Variants in GALNT13 observed in about 807,000 individuals in gnomAD.
The protein encoded by GALNT13 is UDP-GalNAc:polypeptide N-acetylgalactosaminyltransferase 13.
In GALNT13, 28 loss-of-function variants were observed where a neutral mutation model predicts 64.2. The ratio of observed to expected loss-of-function variants is 0.44; its 90% CI spans 0.32 to 0.60. The LOEUF is 0.60. Ranked by LOEUF, GALNT13 falls within the 20% of genes least tolerant of loss-of-function variation. The pLI, the probability that GALNT13 is intolerant of heterozygous loss-of-function variation, is 0.05. For missense variants in GALNT13, 577 were observed against 669.8 expected (o/e 0.86, Z 1.53); for synonymous variants, 214 against 224.6 (o/e 0.95, Z 0.42).
At chr2:154,198,972 T>C (rs1687028691) in intron 4 of GALNT13, among the ~76,000 whole-genome samples, 1 of 151,964 alleles carries the variant, frequency 6.6e-6, no homozygotes, top group Admixed American at 6.6e-5. Context: ...ATTTCAGTGG[T>C]TAATGCTGAC....
chr2:153,934,389 G>A (rs945506794), intron 2 of GALNT13, among the ~76,000 whole-genome samples: 4 of 152,100 alleles, frequency 2.6e-5, no homozygotes, highest in Non-Finnish European at 5.9e-5. Flanking sequence ...TTTTGTGTGT[G>A]TGATGATCTC....
chr2:153,833,010 A>G, the GALNT13 span, among the ~76,000 whole-genome samples: 1 of 152,188 alleles, frequency 6.6e-6, no homozygotes, highest in South Asian at 2.1e-4. Flanking sequence ...AATTCCAGAA[A>G]TAAACAATTC....
At chr2:153,736,644 T>G in the GALNT13 span, among the ~76,000 whole-genome samples, 4 of 152,256 alleles carry the variant, frequency 2.6e-5, no homozygotes, top group East Asian at 5.8e-4. Context: ...TATCTATCAT[T>G]TATCCATCTA....
chr2:154,094,626 T>C (rs1451663433), intron 3 of GALNT13, among the ~76,000 whole-genome samples: 4 of 152,016 alleles, frequency 2.6e-5, no homozygotes, highest in African/African-American at 9.7e-5. Context: ...TCTATTTTTG[T>C]CTCCTTCCAA....
chr2:154,259,978 G>A (rs571298105), intron 8 of GALNT13, among the ~76,000 whole-genome samples: 1 of 152,086 alleles, frequency 6.6e-6, no homozygotes, highest in East Asian at 1.9e-4. Context: ...GACCTCCAGG[G>A]CTCGGGTGAT....
At chr2:153,223,842 T>C in the GALNT13 span, among the ~76,000 whole-genome samples, 1 of 152,078 alleles carries the variant, frequency 6.6e-6, no homozygotes, top group South Asian at 2.1e-4. Flanking sequence ...TGGTGGCACC[T>C]GCCTATAATC....
At chr2:153,648,400 G>A in the GALNT13 span, among the ~76,000 whole-genome samples, 1 of 152,132 alleles carries the variant, frequency 6.6e-6, no homozygotes, top group Non-Finnish European at 1.5e-5. Flanking sequence ...ATACAATCAT[G>A]TCATCTGCTA....
chr2:153,709,302 CAAAA>C, the GALNT13 span, among the ~76,000 whole-genome samples: 10 of 151,678 alleles, frequency 6.6e-5, no homozygotes, highest in South Asian at 4.2e-4. Context: ...ACAAAACAAA[CAAAA>C]AAACCCAACT....
At chr2:153,244,164 A>T in the GALNT13 span, among the ~76,000 whole-genome samples, 7 of 151,836 alleles carry the variant, frequency 4.6e-5, no homozygotes, top group Non-Finnish European at 1.0e-4. Flanking sequence ...TGCTATCTAC[A>T]TTGGGTCTTG....
the GALNT13 span, among the ~76,000 whole-genome samples, chr2:153,592,064 T>TTATA: frequency 1.7e-4 from 25 of 149,520 alleles, 1 homozygote; most frequent in South Asian, 3.2e-3. Flanking sequence ...GGTTAACAGA[T>TTATA]TATATATATA....
chr2:153,570,047 T>A, the GALNT13 span, among the ~76,000 whole-genome samples: 3 of 152,164 alleles, frequency 2.0e-5, no homozygotes, highest in Non-Finnish European at 2.9e-5. Flanking sequence ...TTCTTACAAA[T>A]TTACATTCTT....
chr2:154,178,676 C>G lies in GALNT13; in HGVS notation c.311+38171C>G, dbSNP rs1024370291. Among the ~76,000 whole-genome samples, 13 of 152,274 alleles carry G rather than the reference C, an allele frequency of 8.5e-5. No homozygotes were observed. In the East Asian group the frequency reaches 2.1e-3, roughly 25 times the overall value. Reference sequence around the variant, plus strand: ...ATTCTTCAAGTCTTCTCTCACTCTTCCAGTTCCATTGTCCTCATCATTTGC... The same window carrying G: ...ATTCTTCAAGTCTTCTCTCACTCTTGCAGTTCCATTGTCCTCATCATTTGC... On this transcript the variant is annotated intron_variant, in intron 4 of 12. Coordinates refer to ENST00000392825, the MANE Select transcript of GALNT13 (RefSeq NM_052917.4).
chr2:153,363,977 C>T, the GALNT13 span, among the ~76,000 whole-genome samples: 2 of 152,188 alleles, frequency 1.3e-5, no homozygotes, highest in African/African-American at 4.8e-5. Flanking sequence ...AACATCAACA[C>T]GAAAATCCTC....
chr2:153,947,342 T>C (rs971369534), intron 3 of GALNT13, among the ~76,000 whole-genome samples: 2 of 152,006 alleles, frequency 1.3e-5, no homozygotes, highest in African/African-American at 2.4e-5. Flanking sequence ...TGTGTGTGTG[T>C]GCGTGTAATC....
chr2:153,746,841 G>T, the GALNT13 span, among the ~76,000 whole-genome samples: 1 of 152,134 alleles, frequency 6.6e-6, no homozygotes, highest in Admixed American at 6.6e-5. Context: ...AATGGCTGAT[G>T]AAGCTGAACA....
At chr2:153,611,190 AAG>A in the GALNT13 span, among the ~76,000 whole-genome samples, 2 of 152,274 alleles carry the variant, frequency 1.3e-5, no homozygotes, top group African/African-American at 4.8e-5. Context: ...AAATTTCAAA[AAG>A]TTAATATATG....
the GALNT13 span, among the ~76,000 whole-genome samples, chr2:153,560,428 A>G: frequency 6.6e-6 from 1 of 152,080 alleles, no homozygotes; most frequent in Non-Finnish European, 1.5e-5. Flanking sequence ...TTAAAAAAAA[A>G]CATTCATCCA....
At chr2:153,640,850 T>G in the GALNT13 span, among the ~76,000 whole-genome samples, 1 of 152,090 alleles carries the variant, frequency 6.6e-6, no homozygotes, top group Non-Finnish European at 1.5e-5. Flanking sequence ...TAGAGAAGAA[T>G]AATGTTAGCT....
At chr2:153,268,134 A>G in the GALNT13 span, among the ~76,000 whole-genome samples, 1 of 152,192 alleles carries the variant, frequency 6.6e-6, no homozygotes, top group Non-Finnish European at 1.5e-5. Context: ...TCCAAGTCCA[A>G]AGTGTCATCT....
Sources: allele counts gnomAD v4.1 joint callset (sites outside exome capture counted in the v4.1 genomes callset), GRCh38; gene constraint gnomAD v4.1.1; transcripts MANE v1.5; gene names NCBI Gene and HGNC (gene_info 2026-07-23, HGNC 2026-07-21).